Variants in CACHD1 observed in about 807,000 individuals in gnomAD.
CACHD1 encodes the protein VWFA and cache domain-containing protein 1.
Under a neutral mutation model 138.7 loss-of-function variants are expected in CACHD1, and 71 were observed. The ratio of observed to expected loss-of-function variants is 0.51; its 90% CI spans 0.42 to 0.62. CACHD1 has a LOEUF of 0.62. Among genes scored for constraint, CACHD1 ranks in the 20% least tolerant of loss-of-function variants. The pLI is 0.00. For missense variants in CACHD1, 1,389 were observed against 1,625.3 expected, an observed-to-expected ratio of 0.85 and a Z score of 2.50; for synonymous variants, 578 against 591.5, an observed-to-expected ratio of 0.98 and a Z score of 0.33.
intron 8 of CACHD1, among the ~76,000 whole-genome samples, chr1:64,643,642 C>T (rs1015334868): frequency 3.3e-5 from 5 of 152,266 alleles, no homozygotes; most frequent in East Asian, 3.9e-4. Context: ...CAAGACCATC[C>T]TGGCTAACAC....
intron 1 of CACHD1, among the ~76,000 whole-genome samples, chr1:64,507,406 T>C (rs1290437942): frequency 6.6e-6 from 1 of 152,220 alleles, no homozygotes; most frequent in African/African-American, 2.4e-5. Context: ...CCACAGCATA[T>C]GCCAATTGAG....
At chr1:64,635,872 G>T (rs1648508198) in intron 7 of CACHD1, among the ~76,000 whole-genome samples, 1 of 151,708 alleles carries the variant, frequency 6.6e-6, no homozygotes, top group African/African-American at 2.4e-5. Flanking sequence ...AGCCCTTTGG[G>T]AGGCTGAGGT....
At chr1:64,573,095 C>T (rs937711690) in intron 2 of CACHD1, among the ~76,000 whole-genome samples, 2 of 152,138 alleles carry the variant, frequency 1.3e-5, no homozygotes, top group Non-Finnish European at 2.9e-5. Context: ...CAAGTATGGA[C>T]TGAATGTTTG....
intron 4 of CACHD1, among the ~76,000 whole-genome samples, chr1:64,605,517 G>A (rs945047223): frequency 6.6e-6 from 1 of 152,106 alleles, no homozygotes; most frequent in African/African-American, 2.4e-5. Context: ...CTTTCTAGTA[G>A]ACAGTACCTT....
At chr1:64,565,684 T>C (rs1646875956) in intron 2 of CACHD1, among the ~76,000 whole-genome samples, 1 of 152,224 alleles carries the variant, frequency 6.6e-6, no homozygotes, top group African/African-American at 2.4e-5. Flanking sequence ...GGAGACATAA[T>C]TGTTCTAATA....
chr1:64,661,069 G>T (rs1649426246), intron 13 of CACHD1, among the ~76,000 whole-genome samples: 1 of 152,080 alleles, frequency 6.6e-6, no homozygotes. Flanking sequence ...GGTAATCAAG[G>T]GCATCTTAGT....
At chr1:64,608,253 G>A (rs191783939) in intron 4 of CACHD1, among the ~76,000 whole-genome samples, 1 of 152,258 alleles carries the variant, frequency 6.6e-6, no homozygotes, top group Admixed American at 6.5e-5. Flanking sequence ...ACATCCCAAA[G>A]TCCACATACT....
Position 64,614,441 on chromosome 1 carries a change from G to T in CACHD1, c.517+11529G>T, listed in dbSNP as rs1459163303. Among the ~76,000 whole-genome samples the T allele has an allele frequency of 5.9e-5, 9 of 151,862 alleles. No homozygotes were observed. The East Asian group carries it at 1.7e-3, about 29-fold the overall frequency. On this transcript the variant is annotated intron_variant, in intron 4 of 26. Coordinates refer to ENST00000651257, the MANE Select transcript of CACHD1 (RefSeq NM_020925.4). ...ACACCTGGATGGACACCTGCCTATG[G>T]GTTGTTCTTCTTTGGTCTAGACATC...
chr1:64,555,622 T>C (rs1422019168), intron 2 of CACHD1, among the ~76,000 whole-genome samples: 1 of 152,118 alleles, frequency 6.6e-6, no homozygotes, highest in Non-Finnish European at 1.5e-5. Flanking sequence ...GGTTTTGCCA[T>C]GTTGACTGGT....
chr1:64,559,011 G>T (rs953525543), intron 2 of CACHD1, among the ~76,000 whole-genome samples: 1 of 152,182 alleles, frequency 6.6e-6, no homozygotes, highest in African/African-American at 2.4e-5. Flanking sequence ...TGCTGGCGAG[G>T]TTGCAGAGAA....
intron 1 of CACHD1, among the ~76,000 whole-genome samples, chr1:64,487,833 A>G (rs1041057811): frequency 6.6e-6 from 1 of 152,192 alleles, no homozygotes; most frequent in Non-Finnish European, 1.5e-5. Context: ...TATAATTTCA[A>G]CTTTTTGTGA....
Position 64,602,645 on chromosome 1 carries a change from C to T in CACHD1, c.411-161C>T, listed in dbSNP as rs79188338. Among the ~76,000 whole-genome samples the T allele has an allele frequency of 4.7e-4, 72 of 152,216 alleles. No homozygotes were observed. In the East Asian group the frequency reaches 0.013, roughly 28 times the overall value. ...TTCTAGAGGCAGGTGTTCCCCCCAC[C>T]ACACACAGAGTTCCGAAATTATTTT... On this transcript the variant is annotated intron_variant, in intron 3 of 26. Transcript: ENST00000651257.
intron 7 of CACHD1, among the ~76,000 whole-genome samples, chr1:64,639,222 T>A (rs1648620017): frequency 1.3e-5 from 2 of 152,196 alleles, no homozygotes; most frequent in African/African-American, 2.4e-5. Context: ...ATACCATAGA[T>A]CCTCCTCATG....
At chr1:64,546,241 C>T (rs888952219) in intron 1 of CACHD1, among the ~76,000 whole-genome samples, 7 of 152,176 alleles carry the variant, frequency 4.6e-5, no homozygotes, top group Non-Finnish European at 1.0e-4. Flanking sequence ...ACCCTGCCTA[C>T]CCTAACCCTG....
At chr1:64,691,049 G>C (rs375963212) in intron 26 of CACHD1, among the ~76,000 whole-genome samples, 2 of 150,746 alleles carry the variant, frequency 1.3e-5, no homozygotes, top group African/African-American at 4.9e-5. Context: ...TTGGGATAAG[G>C]GTTCTTGTTT....
intron 2 of CACHD1, among the ~76,000 whole-genome samples, chr1:64,576,665 C>G (rs1210696643): frequency 6.6e-6 from 1 of 152,126 alleles, no homozygotes; most frequent in Non-Finnish European, 1.5e-5. Context: ...GCCTCAGTTT[C>G]TTCACTTGTA....
intron 1 of CACHD1, among the ~76,000 whole-genome samples, chr1:64,528,859 C>A (rs1232766619): frequency 6.6e-6 from 1 of 151,560 alleles, no homozygotes; most frequent in African/African-American, 2.4e-5. Context: ...TAAAAAATAT[C>A]CTAATACCTG....
At chr1:64,487,336 C>A (rs1646249266) in intron 1 of CACHD1, among the ~76,000 whole-genome samples, 1 of 152,104 alleles carries the variant, frequency 6.6e-6, no homozygotes, top group Non-Finnish European at 1.5e-5. Flanking sequence ...GCACCTTTCT[C>A]CCCCCAGGCT....
intron 3 of CACHD1, among the ~76,000 whole-genome samples, chr1:64,582,868 T>G (rs1160311228): frequency 6.6e-6 from 1 of 152,156 alleles, no homozygotes; most frequent in Non-Finnish European, 1.5e-5. Flanking sequence ...GAAAGAACAC[T>G]TATCTGGAGG....
Sources: gnomAD v4.1 joint callset for allele counts (sites outside exome capture counted in the v4.1 genomes callset) on GRCh38, gnomAD v4.1.1 for gene constraint, MANE v1.5 for transcripts, NCBI Gene and HGNC (gene_info 2026-07-23, HGNC 2026-07-21) for gene names.